The following DSCAML1 variants were observed in gnomAD, a reference collection of about 807,000 sequenced individuals.
The protein encoded by DSCAML1 is cell adhesion molecule DSCAML1.
A neutral mutation model predicts 200.5 loss-of-function variants in DSCAML1; 38 were observed. That is an observed-to-expected ratio of 0.19 (90% CI 0.15 to 0.25). The LOEUF (loss-of-function observed/expected upper bound fraction) is 0.25, where lower values mean the gene tolerates loss of function less well. Among genes scored for constraint, DSCAML1 ranks in the 10% least tolerant of loss-of-function variants. The pLI, the probability that DSCAML1 is intolerant of heterozygous loss-of-function variation, is 1.00. For missense variants in DSCAML1, 2,223 were observed against 2,858.8 expected (o/e 0.78, Z 5.07); for synonymous variants, 1,215 against 1,165.0 (o/e 1.04, Z -0.87).
chr11:117,464,478 T>C (rs1465768710), intron 17 of DSCAML1, among the ~76,000 whole-genome samples: 1 of 152,186 alleles, frequency 6.6e-6, no homozygotes, highest in Admixed American at 6.5e-5. Flanking sequence ...AAAAATCCTC[T>C]AAATCCTCTG....
At chr11:117,535,805 C>G (rs1454727819) in intron 3 of DSCAML1, among the ~76,000 whole-genome samples, 1 of 150,008 alleles carries the variant, frequency 6.7e-6, no homozygotes, top group Non-Finnish European at 1.5e-5. Flanking sequence ...CCGACAGGTG[C>G]TCCAGCCCTG....
chr11:117,529,822 G>A (rs192415044), intron 4 of DSCAML1, among the ~76,000 whole-genome samples: 1 of 152,136 alleles, frequency 6.6e-6, no homozygotes, highest in East Asian at 1.9e-4. Flanking sequence ...GTGCAATGGG[G>A]AGGGGCGGGT....
chr11:117,556,424 AT>A (rs2050559972), intron 3 of DSCAML1, among the ~76,000 whole-genome samples: 1 of 152,152 alleles, frequency 6.6e-6, no homozygotes, highest in Non-Finnish European at 1.5e-5. Flanking sequence ...ACTAGGTTAT[AT>A]TTACAGAGAC....
intron 3 of DSCAML1, among the ~76,000 whole-genome samples, chr11:117,552,605 G>A (rs2050488464): frequency 6.6e-6 from 1 of 152,158 alleles, no homozygotes; most frequent in African/African-American, 2.4e-5. Context: ...CTACTTCACA[G>A]GGTCCTTGTG....
chr11:117,575,084 G>A (rs1312042436), intron 3 of DSCAML1, among the ~76,000 whole-genome samples: 10 of 152,146 alleles, frequency 6.6e-5, no homozygotes, highest in Admixed American at 5.2e-4. Flanking sequence ...CCAGCTACTC[G>A]GGAGGTTGAG....
chr11:117,647,255 G>A (rs557058762), intron 3 of DSCAML1, among the ~76,000 whole-genome samples: 17 of 152,302 alleles, frequency 1.1e-4, no homozygotes, highest in African/African-American at 3.6e-4. Flanking sequence ...TTGCCCTTAC[G>A]CTGCTCCCCC....
chr11:117,486,429 C>T (rs1484243568), intron 11 of DSCAML1, among the ~76,000 whole-genome samples: 1 of 151,538 alleles, frequency 6.6e-6, no homozygotes, highest in Non-Finnish European at 1.5e-5. Context: ...GTGAAAATGG[C>T]GGATGTGAAA....
intron 2 of DSCAML1, 68 bp from the exon 3 acceptor site, chr11:117,777,005 A>G: frequency 1.3e-6 from 2 of 1,553,960 alleles, no homozygotes; most frequent in Non-Finnish European, 1.8e-6. Context: ...CCCAGAAAGG[A>G]ACAGGGAGTC....
chr11:117,443,311 C>T (rs752678783), intron 21 of DSCAML1, among the ~76,000 whole-genome samples: 3 of 152,242 alleles, frequency 2.0e-5, no homozygotes, highest in East Asian at 1.9e-4. Flanking sequence ...AGTGGGGGTG[C>T]AGCCCCCATG....
At chr11:117,703,045 G>A (rs1391845927) in intron 3 of DSCAML1, among the ~76,000 whole-genome samples, 2 of 152,238 alleles carry the variant, frequency 1.3e-5, no homozygotes, top group Non-Finnish European at 2.9e-5. Flanking sequence ...GACTGCAGTT[G>A]TGGGTCATGC....
intron 16 of DSCAML1, among the ~76,000 whole-genome samples, chr11:117,467,170 C>T (rs1006307589): frequency 4.0e-5 from 6 of 150,460 alleles, no homozygotes; most frequent in South Asian, 2.1e-4. Context: ...GCCAGGTGCG[C>T]GCACGCATGC....
intron 3 of DSCAML1, among the ~76,000 whole-genome samples, chr11:117,749,964 A>G (rs1194169470): frequency 6.6e-6 from 1 of 152,250 alleles, no homozygotes; most frequent in Non-Finnish European, 1.5e-5. Context: ...AAGGGTGACA[A>G]GCCTTGGTTC....
chr11:117,535,111 C>G (rs2050142290), intron 3 of DSCAML1, among the ~76,000 whole-genome samples: 1 of 152,108 alleles, frequency 6.6e-6, no homozygotes, highest in African/African-American at 2.4e-5. Context: ...CTTAGCCCAT[C>G]AGAGCAGAGT....
chr11:117,472,712 C>T (rs1421852091), intron 14 of DSCAML1, among the ~76,000 whole-genome samples: 2 of 152,142 alleles, frequency 1.3e-5, no homozygotes. Flanking sequence ...TATCTCACGG[C>T]TGATGTTTAG....
At chr11:117,542,081 G>C (rs1037561124) in intron 3 of DSCAML1, among the ~76,000 whole-genome samples, 1 of 152,102 alleles carries the variant, frequency 6.6e-6, no homozygotes. Flanking sequence ...AGGCCAAGTA[G>C]GGTGGATCAC....
intron 8 of DSCAML1, among the ~76,000 whole-genome samples, chr11:117,513,297 T>C (rs1156475804): frequency 6.6e-6 from 1 of 152,194 alleles, no homozygotes; most frequent in African/African-American, 2.4e-5. Flanking sequence ...GCCCCTGGGC[T>C]GGGCAGAGAA....
chr11:117,690,182 TCCAA>T (rs1271272356), intron 3 of DSCAML1, among the ~76,000 whole-genome samples: 1 of 152,274 alleles, frequency 6.6e-6, no homozygotes, highest in Non-Finnish European at 1.5e-5. Context: ...AATTCATTAA[TCCAA>T]CCATTTATTT....
intron 3 of DSCAML1, among the ~76,000 whole-genome samples, chr11:117,701,918 C>A (rs2053675547): frequency 6.6e-6 from 1 of 152,202 alleles, no homozygotes; most frequent in Admixed American, 6.5e-5. Context: ...GTGCCGGTGC[C>A]AGGTGCAGGG....
At chr11:117,475,390 C>T (rs1309682814) in intron 14 of DSCAML1, among the ~76,000 whole-genome samples, 2 of 152,118 alleles carry the variant, frequency 1.3e-5, no homozygotes, top group East Asian at 3.9e-4. Context: ...ACAACCTGAC[C>T]CAGGCCCTGC....
Sources: allele counts gnomAD v4.1 joint callset (sites outside exome capture counted in the v4.1 genomes callset), GRCh38; gene constraint gnomAD v4.1.1; transcripts MANE v1.5; gene names NCBI Gene and HGNC (gene_info 2026-07-23, HGNC 2026-07-21).